The following GPC5 variants were observed in gnomAD, a reference collection of about 807,000 sequenced individuals.
GPC5 encodes glypican 5.
Under a neutral mutation model 53.9 loss-of-function variants are expected in GPC5, and 47 were observed. The ratio of observed to expected loss-of-function variants is 0.87; its 90% CI spans 0.69 to 1.11. The LOEUF (loss-of-function observed/expected upper bound fraction) is 1.11, where lower values mean the gene tolerates loss of function less well. Ranked by LOEUF, GPC5 falls within the 50% of genes most tolerant of loss-of-function variation. The pLI, the probability that GPC5 is intolerant of heterozygous loss-of-function variation, is 0.00. For missense variants in GPC5, 748 were observed against 713.1 expected (o/e 1.05, Z -0.56); for synonymous variants, 286 against 263.3 (o/e 1.09, Z -0.84).
At chr13:92,436,299 G>A (rs1004919822) in intron 7 of GPC5, among the ~76,000 whole-genome samples, 1 of 148,430 alleles carries the variant, frequency 6.7e-6, no homozygotes, top group Non-Finnish European at 1.5e-5. Context: ...TATGTTTTAT[G>A]TGTGTAAACA....
At chr13:91,921,038 G>A (rs1477622515) in intron 6 of GPC5, among the ~76,000 whole-genome samples, 4 of 143,008 alleles carry the variant, frequency 2.8e-5, no homozygotes, top group Non-Finnish European at 6.0e-5. Flanking sequence ...CTGCGTTCAA[G>A]TGATTCTTAA....
chr13:92,240,568 A>T (rs2042604791), intron 7 of GPC5: 1 of 152,262 alleles, frequency 6.6e-6, no homozygotes, highest in Non-Finnish European at 1.5e-5. Context: ...CAGTGGTGCG[A>T]TCTCGGCTCA....
chr13:92,858,926 T>G (rs1432306048), intron 7 of GPC5, among the ~76,000 whole-genome samples: 1 of 152,156 alleles, frequency 6.6e-6, no homozygotes, highest in Non-Finnish European at 1.5e-5. Context: ...ATATAGATAA[T>G]TACTTTCTTT....
In GPC5 at chr13:92,782,863, G is replaced by A. The variant is rs150586631; in HGVS notation, c.1562-83419G>A. ...TTTTTCTTATGATTCATAGCATGCT[G>A]TTTTAGAAATGAAGTCAGAGACCCC... On this transcript the variant is annotated intron_variant, in intron 7 of 7. Coordinates refer to ENST00000377067, the MANE Select transcript of GPC5 (RefSeq NM_004466.6). Among the ~76,000 whole-genome samples, 23 of 152,172 alleles carry A rather than the reference G, an allele frequency of 1.5e-4. No homozygotes were observed. The East Asian group carries it at 4.3e-3, about 28-fold the overall frequency.
chr13:91,505,650 C>T (rs905999546), intron 2 of GPC5, among the ~76,000 whole-genome samples: 3 of 152,210 alleles, frequency 2.0e-5, no homozygotes, highest in African/African-American at 7.2e-5. Context: ...CTATTTTTAT[C>T]TTCCAACATT....
intron 7 of GPC5, among the ~76,000 whole-genome samples, chr13:92,406,942 A>T (rs571487785): frequency 6.6e-6 from 1 of 152,158 alleles, no homozygotes; most frequent in African/African-American, 2.4e-5. Flanking sequence ...CTCTTTGCAG[A>T]TTTTTTTAAA....
intron 7 of GPC5, among the ~76,000 whole-genome samples, chr13:92,375,348 C>T (rs185294305): frequency 6.6e-6 from 1 of 152,146 alleles, no homozygotes; most frequent in East Asian, 1.9e-4. Flanking sequence ...GTCTTGGTCA[C>T]TTGATATGAA....
intron 3 of GPC5, among the ~76,000 whole-genome samples, chr13:91,724,637 C>T (rs2036540587): frequency 6.6e-6 from 1 of 151,846 alleles, no homozygotes. Flanking sequence ...TCACTTGAGG[C>T]CAGGGGTTTG....
chr13:91,497,095 A>C (rs1884311869), intron 2 of GPC5, among the ~76,000 whole-genome samples: 1 of 152,106 alleles, frequency 6.6e-6, no homozygotes, highest in African/African-American at 2.4e-5. Context: ...AGATATTTAA[A>C]ACAAATAATG....
chr13:91,777,354 T>C (rs1293614933), intron 5 of GPC5, among the ~76,000 whole-genome samples: 1 of 152,260 alleles, frequency 6.6e-6, no homozygotes, highest in Admixed American at 6.5e-5. Flanking sequence ...CTTCTGTTCT[T>C]AGTTATGCTG....
intron 7 of GPC5, among the ~76,000 whole-genome samples, chr13:92,336,902 G>A (rs891932594): frequency 6.6e-6 from 1 of 152,168 alleles, no homozygotes; most frequent in Non-Finnish European, 1.5e-5. Context: ...CTGGCCTCAA[G>A]TGATCTTCCA....
chr13:92,381,918 AATCATAT>A (rs2043749881), intron 7 of GPC5, among the ~76,000 whole-genome samples: 2 of 45,062 alleles, frequency 4.4e-5, no homozygotes, highest in Admixed American at 2.2e-4. Context: ...TGATATATAT[AATCATAT>A]ATATGATTAT....
At chr13:92,627,998 G>A (rs929504633) in intron 7 of GPC5, among the ~76,000 whole-genome samples, 1 of 152,020 alleles carries the variant, frequency 6.6e-6, no homozygotes, top group Non-Finnish European at 1.5e-5. Context: ...CTAGACTGAA[G>A]GTGTTGAATA....
intron 1 of GPC5, among the ~76,000 whole-genome samples, chr13:91,400,433 C>A (rs1367275149): frequency 1.3e-5 from 2 of 152,152 alleles, no homozygotes; most frequent in Non-Finnish European, 2.9e-5. Flanking sequence ...GGTGCTTTTT[C>A]TGTATTACTT....
intron 2 of GPC5, among the ~76,000 whole-genome samples, chr13:91,670,837 TTC>T (rs2035228191): frequency 6.6e-6 from 1 of 152,172 alleles, no homozygotes; most frequent in Non-Finnish European, 1.5e-5. Flanking sequence ...CTGAACTAAC[TTC>T]ACATGAAATT....
At chr13:92,861,139 TAA>T (rs2138855335) in intron 7 of GPC5, among the ~76,000 whole-genome samples, 1 of 152,272 alleles carries the variant, frequency 6.6e-6, no homozygotes, top group East Asian at 1.9e-4. Flanking sequence ...ATTTACTCCT[TAA>T]AGAGTTTTAA....
At chr13:91,746,175 C>G (rs1364581104) in intron 4 of GPC5, among the ~76,000 whole-genome samples, 1 of 152,132 alleles carries the variant, frequency 6.6e-6, no homozygotes, top group Non-Finnish European at 1.5e-5. Flanking sequence ...GACATCTCTA[C>G]AGGGTTGAGC....
intron 6 of GPC5, among the ~76,000 whole-genome samples, chr13:92,060,517 G>C (rs2041114036): frequency 6.6e-6 from 1 of 151,948 alleles, no homozygotes; most frequent in Non-Finnish European, 1.5e-5. Context: ...ATCTCTTTAA[G>C]CATAAGTTAA....
intron 7 of GPC5, among the ~76,000 whole-genome samples, chr13:92,385,393 T>C (rs2043787305): frequency 2.8e-5 from 2 of 70,438 alleles, no homozygotes; most frequent in African/African-American, 5.5e-5. Context: ...TATATATACA[T>C]ATATACACAT....
Sources: gnomAD v4.1 joint callset for allele counts (sites outside exome capture counted in the v4.1 genomes callset) on GRCh38, gnomAD v4.1.1 for gene constraint, MANE v1.5 for transcripts, NCBI Gene and HGNC (gene_info 2026-07-23, HGNC 2026-07-21) for gene names.